CHRM2: variants seen among roughly 807,000 people sequenced by gnomAD.
The protein encoded by CHRM2 is cholinergic receptor muscarinic 2.
CHRM2 carries 8 observed loss-of-function variants against 25.0 expected under a neutral mutation model. The observed-to-expected ratio is 0.32, with a 90% CI of 0.19 to 0.58. The LOEUF is 0.58. Ranked by LOEUF, CHRM2 falls within the 20% of genes least tolerant of loss-of-function variation. The pLI is 0.88. For missense variants in CHRM2, 440 were observed against 567.1 expected, an observed-to-expected ratio of 0.78 and a Z score of 2.28; for synonymous variants, 202 against 205.7, an observed-to-expected ratio of 0.98 and a Z score of 0.15.
In CHRM2 at chr7:137,018,192, A is replaced by C. The variant is rs1040763729; in HGVS notation, c.*1926A>C. 4 of 151,774 alleles carry C rather than the reference A, an allele frequency of 2.6e-5. No homozygotes were observed. The highest frequency in any genetic ancestry group is 9.7e-5 in the African/African-American group (4 of 41,386). 9.4% of individuals were successfully genotyped at this position (151,774 alleles called of 1,614,324 possible). ...ATTTTGGAGAGTTAAGGAGGAAAAA[A>C]AGCATGAGGGAAAAAAAAAACCAAA... On this transcript the variant is annotated 3_prime_UTR_variant, in exon 4 of 4. Coordinates refer to ENST00000680005, the MANE Select transcript of CHRM2 (RefSeq NM_001006630.2).
chr7:136,915,305 C>A (rs895339551), intron 2 of CHRM2, among the ~76,000 whole-genome samples: 27 of 151,842 alleles, frequency 1.8e-4, no homozygotes, highest in African/African-American at 5.8e-4. Flanking sequence ...TTCAACTGAA[C>A]TAATTAATTA....
chr7:136,945,760 C>A (rs1337603815), intron 2 of CHRM2, among the ~76,000 whole-genome samples: 1 of 152,022 alleles, frequency 6.6e-6, no homozygotes, highest in African/African-American at 2.4e-5. Flanking sequence ...GCATTCTCAC[C>A]TCAATTTTTA....
rs554530656 is a variant in CHRM2 at position 136,998,392 on chromosome 7, G to C, written c.-47+6128G>C. Among the ~76,000 whole-genome samples, 71 of 152,244 alleles carry C rather than the reference G, an allele frequency of 4.7e-4. No individual in the cohort carries two copies. In the South Asian group the frequency reaches 0.012, roughly 27 times the overall value. On this transcript the variant is annotated intron_variant, in intron 3 of 3. Transcript: ENST00000680005. ...GCATAAATTCAAGAGAGATTGAGTT[G>C]TTTTCTTTTTGTAGATACACAGGGT...
intron 2 of CHRM2, among the ~76,000 whole-genome samples, chr7:136,968,892 A>G (rs1584847184): frequency 6.6e-6 from 1 of 152,080 alleles, no homozygotes; most frequent in East Asian, 1.9e-4. Context: ...ATATCCATGA[A>G]CATAAATCAG....
At chr7:136,970,301 C>T (rs967459171) in intron 2 of CHRM2, among the ~76,000 whole-genome samples, 1 of 152,090 alleles carries the variant, frequency 6.6e-6, no homozygotes, top group African/African-American at 2.4e-5. Context: ...ATCTCCCTTA[C>T]CTAATCCTTC....
intron 2 of CHRM2, among the ~76,000 whole-genome samples, chr7:136,930,269 C>T (rs1354865207): frequency 6.6e-6 from 1 of 151,940 alleles, no homozygotes; most frequent in Non-Finnish European, 1.5e-5. Context: ...CTCAACTCTA[C>T]TAAAACTACA....
At chr7:136,987,052 G>A (rs1042147560) in intron 2 of CHRM2, among the ~76,000 whole-genome samples, 5 of 152,188 alleles carry the variant, frequency 3.3e-5, no homozygotes, top group South Asian at 2.1e-4. Context: ...TTTCTCTTCC[G>A]CTTGAGAAAA....
At chr7:136,891,835 T>A (rs553739119) in intron 2 of CHRM2, among the ~76,000 whole-genome samples, 2 of 152,344 alleles carry the variant, frequency 1.3e-5, no homozygotes, top group Admixed American at 1.3e-4. Context: ...TTCAGTCTGA[T>A]TATCTGCCGC....
At chr7:136,944,469 ATGTATG>A (rs752905390) in intron 2 of CHRM2, among the ~76,000 whole-genome samples, 39 of 82,410 alleles carry the variant, frequency 4.7e-4, no homozygotes, top group African/African-American at 2.4e-3. Context: ...ATATGTATGT[ATGTATG>A]TGTGTGTGTG....
At chr7:136,948,987 C>T (rs1176105821) in intron 2 of CHRM2, among the ~76,000 whole-genome samples, 8 of 152,036 alleles carry the variant, frequency 5.3e-5, no homozygotes, top group South Asian at 2.1e-4. Context: ...ATGAAGGGGG[C>T]GTGATAGAAG....
intron 2 of CHRM2, among the ~76,000 whole-genome samples, chr7:136,903,581 T>C (rs1202160531): frequency 6.6e-6 from 1 of 152,008 alleles, no homozygotes; most frequent in Admixed American, 6.6e-5. Flanking sequence ...GAATGAATTT[T>C]AGTAACAGGC....
chr7:136,974,692 A>C (rs192554914), intron 2 of CHRM2, among the ~76,000 whole-genome samples: 3 of 152,292 alleles, frequency 2.0e-5, no homozygotes, highest in Non-Finnish European at 4.4e-5. Flanking sequence ...GGCAGCTGGG[A>C]AGATGTCATT....
intron 3 of CHRM2, among the ~76,000 whole-genome samples, chr7:137,010,417 T>C (rs1460676798): frequency 6.6e-6 from 1 of 152,120 alleles, no homozygotes; most frequent in Non-Finnish European, 1.5e-5. Context: ...TTGAAGGTCA[T>C]CTTCATTGTG....
At chr7:136,942,851 T>C (rs1799853273) in intron 2 of CHRM2, among the ~76,000 whole-genome samples, 1 of 152,088 alleles carries the variant, frequency 6.6e-6, no homozygotes, top group Non-Finnish European at 1.5e-5. Context: ...TTTAGTTCTT[T>C]TCTTCTCTCT....
At chr7:136,953,124 C>A (rs1800515508) in intron 2 of CHRM2, among the ~76,000 whole-genome samples, 1 of 152,040 alleles carries the variant, frequency 6.6e-6, no homozygotes, top group Non-Finnish European at 1.5e-5. Flanking sequence ...AATCGTATTT[C>A]TGTCTTTAGG....
intron 2 of CHRM2, among the ~76,000 whole-genome samples, chr7:136,897,754 C>A (rs763888601): frequency 6.6e-6 from 1 of 151,470 alleles, no homozygotes; most frequent in Non-Finnish European, 1.5e-5. Flanking sequence ...CTCATATTTG[C>A]ATGTCTGCAT....
At chr7:136,900,251 A>G (rs967652784) in intron 2 of CHRM2, among the ~76,000 whole-genome samples, 1 of 152,100 alleles carries the variant, frequency 6.6e-6, no homozygotes, top group African/African-American at 2.4e-5. Flanking sequence ...TGAAGATACT[A>G]GTGAAAGGAA....
chr7:136,922,209 C>G (rs775111962), intron 2 of CHRM2, among the ~76,000 whole-genome samples: 5 of 152,180 alleles, frequency 3.3e-5, no homozygotes, highest in African/African-American at 4.8e-5. Flanking sequence ...ATCCTTGACT[C>G]TGCTTTCTGT....
Position 136,985,504 on chromosome 7 carries a change from C to CAAAAAAAAAAAA in CHRM2, c.-124-6670_-124-6659dup, listed in dbSNP as rs974105875. On this transcript the variant is annotated intron_variant, in intron 2 of 3. Transcript: ENST00000680005. ...CAGCCTGGGTAACAGAGTTAGACTC[C>CAAAAAAAAAAAA]AAAAAAAAAAAAAAAAAAAAAAAAC... is the stretch of plus-strand genomic sequence containing the variant. Among the ~76,000 whole-genome samples, 8 of 59,752 alleles carry CAAAAAAAAAAAA rather than the reference C, an allele frequency of 1.3e-4. 1 individual carries two copies. Among genetic ancestry groups the CAAAAAAAAAAAA allele is most frequent in the Admixed American group, 2.5e-4 (1 of 3,966 alleles). The allele number at this position is 59,752 out of a possible 152,430, so 39.2% of individuals were successfully genotyped here.
Sources: allele counts gnomAD v4.1 joint callset (sites outside exome capture counted in the v4.1 genomes callset), GRCh38; gene constraint gnomAD v4.1.1; transcripts MANE v1.5; gene names NCBI Gene and HGNC (gene_info 2026-07-23, HGNC 2026-07-21).